Variants in ATP11B observed in about 807,000 individuals in gnomAD.
ATP11B encodes the protein ATPase phospholipid transporting 11B (putative), also known as phospholipid-transporting ATPase IF.
A neutral mutation model predicts 157.8 loss-of-function variants in ATP11B; 81 were observed. The observed-to-expected ratio is 0.51, with a 90% CI of 0.43 to 0.62. The LOEUF is 0.62. ATP11B is among the 20% of genes least tolerant of loss of function. The pLI, the probability that ATP11B is intolerant of heterozygous loss-of-function variation, is 0.00. For missense variants in ATP11B, 1,165 were observed against 1,402.2 expected (o/e 0.83, Z 2.70); for synonymous variants, 451 against 469.4 (o/e 0.96, Z 0.51).
At chr3:182,903,295 C>T (rs1048469424) in intron 28 of ATP11B, among the ~76,000 whole-genome samples, 1 of 151,928 alleles carries the variant, frequency 6.6e-6, no homozygotes, top group Admixed American at 6.6e-5. Context: ...ATTTCTTGCC[C>T]TATTGGTTTC....
chr3:182,810,826 C>T (rs1028015899), intron 1 of ATP11B, among the ~76,000 whole-genome samples: 14 of 152,172 alleles, frequency 9.2e-5, no homozygotes, highest in East Asian at 3.8e-4. Context: ...TGTGGTATAA[C>T]TTACATTTTA....
Position 182,872,511 on chromosome 3 carries a change from A to G in ATP11B, c.2022A>G (p.Leu674=). The G allele has an allele frequency of 6.2e-7, 1 of 1,613,118 alleles. No homozygotes were observed. Among genetic ancestry groups the G allele is most frequent in the Non-Finnish European group, 8.5e-7 (1 of 1,179,670 alleles). ...AGTTCATAGAGAAAGACCTGATATT[A>G]CTTGGAGCCACAGCAGTAGAAGACA... ...VFQFIEKDLI[L]LGATAVEDRL... The change falls in exon 18 of 30, where the codon TTA becomes TTG. Residue 674 remains leucine, a synonymous_variant. Transcript: ENST00000323116.
chr3:182,846,008 C>T (rs1282249070), intron 9 of ATP11B, among the ~76,000 whole-genome samples: 1 of 152,136 alleles, frequency 6.6e-6, no homozygotes, highest in Non-Finnish European at 1.5e-5. Context: ...CTGCTCTTGC[C>T]TTGGAGATGG....
intron 28 of ATP11B, among the ~76,000 whole-genome samples, chr3:182,910,314 A>G: frequency 6.6e-6 from 1 of 150,776 alleles, no homozygotes; most frequent in Non-Finnish European, 1.5e-5. Context: ...AGTAGCTCAC[A>G]CCTGTAATCC....
intron 29 of ATP11B, chr3:182,914,888 G>C (rs760375924): frequency 1.2e-5 from 12 of 985,318 alleles, no homozygotes; most frequent in Non-Finnish European, 1.3e-5. Context: ...CTCAAAATCA[G>C]GGCAGCAGTA....
chr3:182,810,482 ACTTTCTTTCG>A (rs1716593185), intron 1 of ATP11B, among the ~76,000 whole-genome samples: 1 of 151,362 alleles, frequency 6.6e-6, no homozygotes, highest in Non-Finnish European at 1.5e-5. Flanking sequence ...GACATGCTTT[ACTTTCTTTCG>A]AAGCATATTT....
chr3:182,852,316 GAGATTGAC>G (rs1720041269), intron 10 of ATP11B, among the ~76,000 whole-genome samples: 1 of 152,164 alleles, frequency 6.6e-6, no homozygotes, highest in African/African-American at 2.4e-5. Context: ...AATTCCTGCT[GAGATTGAC>G]AGATTAAGCA....
intron 10 of ATP11B, among the ~76,000 whole-genome samples, chr3:182,851,829 A>G (rs1202739119): frequency 6.6e-6 from 1 of 152,248 alleles, no homozygotes; most frequent in African/African-American, 2.4e-5. Context: ...TAAATGCATC[A>G]AACAGTCTAA....
At position 182,887,637 on chromosome 3, in the gene ATP11B, C is replaced by G; in HGVS notation, c.2767C>G (p.Leu923Val). 2.5e-6 allele frequency: 4 copies of G among 1,612,656 alleles called. No individual in the cohort carries two copies. The highest frequency in any genetic ancestry group is 3.4e-6 in the Non-Finnish European group (4 of 1,179,394). The change falls in exon 24 of 30, where the codon CTA (leucine) becomes GTA (valine). Residue 923 changes from leucine to valine, a missense_variant. Physicochemically the swap from Leu to Val is conservative, Grantham distance 32. Around this residue, in one of 4 missense-constraint regions of ATP11B, gnomAD observed 737 missense variants for 930.5 expected, o/e 0.79. Transcript: ENST00000323116. ...TTTATACAATATTTGTTTTACTTCC[C>G]TACCTATTCTGATATATAGTCTTTT... The part of the protein sequence containing the change: ...LTLYNICFTS[L>V]PILIYSLLEQ...
chr3:182,836,224 TA>T, intron 5 of ATP11B, 82 bp downstream of exon 5: 1 of 1,564,334 alleles, frequency 6.4e-7, no homozygotes, highest in South Asian at 1.1e-5. Context: ...ACGTTTTAGT[TA>T]AAAGCCTACT....
At chr3:182,864,454 T>C (rs554975085) in intron 12 of ATP11B, among the ~76,000 whole-genome samples, 2 of 152,236 alleles carry the variant, frequency 1.3e-5, no homozygotes, top group Admixed American at 1.3e-4. Flanking sequence ...AACGCCTTTA[T>C]CATGAAGGGT....
rs138599078 is a variant in ATP11B, at chr3:182,851,908, G to A, written c.851+3351G>A. 5.2e-4 allele frequency among the ~76,000 whole-genome samples: 79 copies of A among 152,254 alleles called. 1 individual carries two copies. The East Asian group carries it at 0.014, about 27-fold the overall frequency. On this transcript the variant is annotated intron_variant, in intron 10 of 29. Coordinates refer to ENST00000323116, the MANE Select transcript of ATP11B (RefSeq NM_014616.3). ...CTATATGCTGTCTAGAAGAAATACA[G>A]TTTACATACAAAGATATAAATAGGT...
At chr3:182,893,955 A>G (rs28419027) in intron 25 of ATP11B, among the ~76,000 whole-genome samples, 132 of 152,226 alleles carry the variant, frequency 8.7e-4, no homozygotes, top group Admixed American at 8.5e-4. Context: ...GTATTTTCTC[A>G]TGTTCATTGG....
rs895755957 is a variant in ATP11B, at chr3:182,918,108, G to A, written c.*4G>A. 6.2e-7 allele frequency: 1 copy of A among 1,612,500 alleles called. No homozygotes were observed. Among genetic ancestry groups the A allele is most frequent in the Non-Finnish European group, 8.5e-7 (1 of 1,179,068 alleles). On this transcript the variant is annotated 3_prime_UTR_variant, in exon 30 of 30. Coordinates refer to ENST00000323116, the MANE Select transcript of ATP11B (RefSeq NM_014616.3). Reference sequence around the variant, plus strand: ...AATGGACTCATCTACTTGTTAAAGGGGCAGTAGTACTTTGTGGGAGCCAGT... The same window carrying A: ...AATGGACTCATCTACTTGTTAAAGGAGCAGTAGTACTTTGTGGGAGCCAGT...
chr3:182,903,114 G>C (rs1487366177), intron 28 of ATP11B, among the ~76,000 whole-genome samples: 1 of 152,016 alleles, frequency 6.6e-6, no homozygotes, highest in African/African-American at 2.4e-5. Flanking sequence ...GATTCATTCT[G>C]TCAGTTTGTA....
chr3:182,877,975 C>CTAGCATTTCTGAGGCCTGT (rs1349087258), intron 19 of ATP11B, among the ~76,000 whole-genome samples: 1 of 152,166 alleles, frequency 6.6e-6, no homozygotes, highest in Admixed American at 6.5e-5. Context: ...CTCTTGACTG[C>CTAGCATTTCTGAGGCCTGT]TAGCATTTCT....
chr3:182,828,179 CTT>C lies in ATP11B; in HGVS notation c.207_208del (p.Phe69LeufsTer13). 1 of 1,494,042 alleles carries C rather than the reference CTT, an allele frequency of 6.7e-7. No individual in the cohort carries two copies. The highest frequency in any genetic ancestry group is 9.0e-7 in the Non-Finnish European group (1 of 1,106,978). The allele number at this position is 1,494,042 out of a possible 1,614,324, so 92.5% of individuals were successfully genotyped here. A position where few individuals can be genotyped will look rare whatever the true frequency, so the allele number is the denominator to read the frequency against. On this transcript the variant is annotated frameshift_variant, in exon 3 of 30. Coordinates refer to ENST00000323116, the MANE Select transcript of ATP11B (RefSeq NM_014616.3). LOFTEE classifies it high-confidence loss of function. ...TTGAACAGTTCAGAAGAGTGGCAAA[CTT>C]TTATTTTCTTATTATATTTTTGGTT... ...LFEQFRRVAN[F>X]YFLIIFLVQL...
At chr3:182,908,688 A>G (rs187722374) in intron 28 of ATP11B, among the ~76,000 whole-genome samples, 8 of 152,340 alleles carry the variant, frequency 5.3e-5, no homozygotes, top group Admixed American at 1.3e-4. Context: ...TGAGTAAGAT[A>G]TACCAGTTAC....
At chr3:182,841,112 G>C (rs541987003) in intron 7 of ATP11B, among the ~76,000 whole-genome samples, 82 of 152,092 alleles carry the variant, frequency 5.4e-4, no homozygotes, top group Middle Eastern at 3.4e-3. Flanking sequence ...CTGGTCACTA[G>C]ACCTAGCCCT....
Sources: allele counts gnomAD v4.1 joint callset (sites outside exome capture counted in the v4.1 genomes callset), GRCh38; gene constraint gnomAD v4.1.1; regional missense constraint gnomAD v4.1.1; transcripts MANE v1.5; gene names NCBI Gene and HGNC (gene_info 2026-07-23, HGNC 2026-07-21).